Variants in PALLD observed in about 807,000 individuals in gnomAD.
PALLD encodes the protein palladin.
Under a neutral mutation model 123.5 loss-of-function variants are expected in PALLD, and 61 were observed. The ratio of observed to expected loss-of-function variants is 0.49; its 90% CI spans 0.40 to 0.61. The LOEUF is 0.61. Among genes scored for constraint, PALLD ranks in the 20% least tolerant of loss-of-function variants. The pLI is 0.00. For synonymous variants in PALLD, 465 were observed against 496.4 expected (o/e 0.94, Z 0.84); for missense variants, 1,273 against 1,377.0 (o/e 0.92, Z 1.20).
chr4:168,585,456 A>G (rs1005283200), intron 2 of PALLD, among the ~76,000 whole-genome samples: 2 of 152,108 alleles, frequency 1.3e-5, no homozygotes, highest in Non-Finnish European at 2.9e-5. Flanking sequence ...AACCAGCCTT[A>G]TGCCTCTCCT....
intron 10 of PALLD, among the ~76,000 whole-genome samples, chr4:168,736,653 C>T (rs778546477): frequency 2.0e-4 from 30 of 152,056 alleles, no homozygotes; most frequent in Non-Finnish European, 3.4e-4. Context: ...TGCAGAAGGC[C>T]CTAGGTGCAA....
intron 6 of PALLD, among the ~76,000 whole-genome samples, chr4:168,687,882 A>G (rs11933913): frequency 0.21 from 31,546 of 151,990 alleles, 3,396 homozygotes; most frequent in East Asian, 0.36. Flanking sequence ...ATTTTTAAGA[A>G]CTCTCAAACT....
chr4:168,558,094 C>G (rs1767505503), intron 2 of PALLD, among the ~76,000 whole-genome samples: 1 of 152,194 alleles, frequency 6.6e-6, no homozygotes, highest in Non-Finnish European at 1.5e-5. Flanking sequence ...TTCCTCAGCT[C>G]CTGCAAATCA....
At chr4:168,924,695 G>A (rs183467256) in intron 19 of PALLD, among the ~76,000 whole-genome samples, 1 of 152,288 alleles carries the variant, frequency 6.6e-6, no homozygotes, top group East Asian at 1.9e-4. Flanking sequence ...AGTGATAAAA[G>A]ACTATTCAGT....
intron 2 of PALLD, among the ~76,000 whole-genome samples, chr4:168,665,597 C>T (rs980857050): frequency 2.0e-5 from 3 of 152,160 alleles, no homozygotes; most frequent in African/African-American, 4.8e-5. Flanking sequence ...CTATGTGAAA[C>T]AAGTGAGCAA....
intron 10 of PALLD, among the ~76,000 whole-genome samples, chr4:168,845,696 T>C (rs1374440428): frequency 6.6e-6 from 1 of 152,068 alleles, no homozygotes; most frequent in Non-Finnish European, 1.5e-5. Context: ...ACGAGACAGG[T>C]TGTTAGAGTT....
At chr4:168,542,279 G>A (rs1288182600) in intron 2 of PALLD, among the ~76,000 whole-genome samples, 1 of 152,006 alleles carries the variant, frequency 6.6e-6, no homozygotes, top group African/African-American at 2.4e-5. Context: ...GGCTAGACAT[G>A]GTGGGTTGTG....
At chr4:168,724,255 AC>A (rs1235041514) in intron 10 of PALLD, among the ~76,000 whole-genome samples, 1 of 152,146 alleles carries the variant, frequency 6.6e-6, no homozygotes, top group Non-Finnish European at 1.5e-5. Flanking sequence ...AACTTTTACT[AC>A]TAGAGAATTT....
At chr4:168,875,502 C>T (rs998704326) in intron 10 of PALLD, among the ~76,000 whole-genome samples, 5 of 152,068 alleles carry the variant, frequency 3.3e-5, no homozygotes, top group Admixed American at 2.0e-4. Flanking sequence ...AATGTTTTTG[C>T]GCTCCTTTTC....
At chr4:168,804,067 C>T (rs1374411670) in intron 10 of PALLD, among the ~76,000 whole-genome samples, 1 of 152,170 alleles carries the variant, frequency 6.6e-6, no homozygotes, top group Non-Finnish European at 1.5e-5. Context: ...TTGTTACTCA[C>T]TGGTGTGGGA....
chr4:168,920,742 C>A (rs1761305455), intron 17 of PALLD, among the ~76,000 whole-genome samples: 1 of 152,148 alleles, frequency 6.6e-6, no homozygotes, highest in African/African-American at 2.4e-5. Flanking sequence ...TTTCGTATTG[C>A]TCTTGTTATT....
At chr4:168,515,148 T>A (rs1762874940) in intron 2 of PALLD, among the ~76,000 whole-genome samples, 1 of 152,304 alleles carries the variant, frequency 6.6e-6, no homozygotes, top group African/African-American at 2.4e-5. Context: ...AGATGCTCAT[T>A]GGATTTTTTA....
intron 1 of PALLD, among the ~76,000 whole-genome samples, chr4:168,504,109 C>T (rs1761734577): frequency 6.6e-6 from 1 of 152,162 alleles, no homozygotes; most frequent in Admixed American, 6.5e-5. Flanking sequence ...CTACGCCTGC[C>T]TCATCTTTGT....
At chr4:168,728,515 G>A (rs1786817895) in intron 10 of PALLD, among the ~76,000 whole-genome samples, 1 of 152,108 alleles carries the variant, frequency 6.6e-6, no homozygotes, top group Non-Finnish European at 1.5e-5. Flanking sequence ...GACATTACTG[G>A]TGTATAGAAA....
chr4:168,511,788 A>G lies in PALLD; in HGVS notation c.284A>G (p.Gln95Arg). 6.2e-7 allele frequency: 1 copy of G among 1,614,216 alleles called. No homozygotes were observed. Among genetic ancestry groups the G allele is most frequent in the Non-Finnish European group, 8.5e-7 (1 of 1,180,032 alleles). The change falls in exon 2 of 22, where the codon CAG becomes CGG. Residue 95 changes from glutamine to arginine, a missense_variant. Physicochemically the swap from Gln to Arg is conservative, Grantham distance 43 (BLOSUM62 1). Coordinates refer to ENST00000505667, the MANE Select transcript of PALLD (RefSeq NM_001166108.2). ...GGTGAACACGCCTCGAGGAGACCTC[A>G]GGATAACAGGTCAACACCTGTCCAG... ...KLGEHASRRP[Q>R]DNRSTPVQPL... is the part of the protein sequence containing the mutation.
At chr4:168,770,655 G>A (rs1168388117) in intron 10 of PALLD, among the ~76,000 whole-genome samples, 1 of 152,148 alleles carries the variant, frequency 6.6e-6, no homozygotes. Context: ...GAACCAAGGG[G>A]TTTTCCATGA....
intron 10 of PALLD, among the ~76,000 whole-genome samples, chr4:168,763,691 C>A (rs1368675266): frequency 6.6e-6 from 1 of 152,142 alleles, no homozygotes; most frequent in Admixed American, 6.6e-5. Flanking sequence ...CTCAGGGCTG[C>A]TCTGGGATAG....
intron 2 of PALLD, among the ~76,000 whole-genome samples, chr4:168,653,250 G>A (rs17054438): frequency 1.3e-5 from 2 of 151,782 alleles, no homozygotes; most frequent in African/African-American, 2.4e-5. Context: ...CTATTTTTAC[G>A]TCCAATTTCA....
chr4:168,912,568 G>A lies in PALLD; in HGVS notation c.2623-1359G>A, dbSNP rs891972076. ...TACTTGTCTGTTCACATATGACAGC[G>A]TTTATCAAACTCTTTTTTTGCTTTT... On this transcript the variant is annotated intron_variant, in intron 15 of 21. Coordinates refer to ENST00000505667, the MANE Select transcript of PALLD (RefSeq NM_001166108.2). 9.9e-5 allele frequency among the ~76,000 whole-genome samples: 15 copies of A among 152,144 alleles called. 1 individual carries two copies. Among genetic ancestry groups the A allele is most frequent in the South Asian group, 4.1e-4 (2 of 4,824 alleles).
Sources: allele counts gnomAD v4.1 joint callset (sites outside exome capture counted in the v4.1 genomes callset), GRCh38; gene constraint gnomAD v4.1.1; transcripts MANE v1.5; gene names NCBI Gene and HGNC (gene_info 2026-07-23, HGNC 2026-07-21).